Variants in DYNC2LI1 observed in about 807,000 individuals in gnomAD.
DYNC2LI1 encodes the protein dynein cytoplasmic 2 light intermediate chain 1.
DYNC2LI1 carries 45 observed loss-of-function variants against 51.9 expected under a neutral mutation model. The ratio of observed to expected loss-of-function variants is 0.87; its 90% CI spans 0.68 to 1.11. The LOEUF is 1.11. Ranked by LOEUF, DYNC2LI1 falls within the 50% of genes most tolerant of loss-of-function variation. The probability of loss-of-function intolerance (pLI) is 0.00; values close to 1 mark genes in which losing one functional copy is unlikely to be tolerated. For missense variants in DYNC2LI1, 490 were observed against 417.4 expected (o/e 1.17, Z -1.51); for synonymous variants, 130 against 137.8 (o/e 0.94, Z 0.40).
At chr2:43,806,118 G>T (rs534923715) in intron 12 of DYNC2LI1, among the ~76,000 whole-genome samples, 1 of 152,010 alleles carries the variant, frequency 6.6e-6, no homozygotes, top group African/African-American at 2.4e-5. Context: ...TCCTGACCTC[G>T]TGATCCATCC....
chr2:43,808,280 C>T (rs576078394), intron 12 of DYNC2LI1, among the ~76,000 whole-genome samples: 5 of 149,872 alleles, frequency 3.3e-5, no homozygotes, highest in Non-Finnish European at 7.4e-5. Flanking sequence ...AAAAAACACA[C>T]AAGGAAAAAT....
At chr2:43,778,311 C>T (rs1019522561) in intron 2 of DYNC2LI1, among the ~76,000 whole-genome samples, 2 of 152,078 alleles carry the variant, frequency 1.3e-5, no homozygotes, top group African/African-American at 4.8e-5. Flanking sequence ...CGCCACCACA[C>T]CCGGCTAATT....
the DYNC2LI1 span, chr2:43,827,909 A>C: frequency 6.2e-7 from 1 of 1,600,166 alleles, no homozygotes; most frequent in South Asian, 1.1e-5. Context: ...ACCGTGAAGA[A>C]AGGGCCCAAA....
intron 6 of DYNC2LI1, 105 bp downstream of exon 6, chr2:43,794,748 A>G (rs1202941782): frequency 6.3e-6 from 10 of 1,591,256 alleles, no homozygotes; most frequent in Non-Finnish European, 8.6e-6. Context: ...CTTGAAATTC[A>G]TTTGATGTAG....
At chr2:43,794,388 T>G (rs1046443256) in intron 5 of DYNC2LI1, 69 bp from the exon 6 acceptor site, 10 of 1,426,358 alleles carry the variant, frequency 7.0e-6, no homozygotes, top group African/African-American at 1.4e-5. Flanking sequence ...TAGATAAATT[T>G]CAGTACATTA....
chr2:43,803,952 A>G (rs1241471438), intron 10 of DYNC2LI1, among the ~76,000 whole-genome samples: 1 of 152,244 alleles, frequency 6.6e-6, no homozygotes, highest in Admixed American at 6.5e-5. Context: ...AAGAGTACAT[A>G]CAAGGAGCAA....
intron 3 of DYNC2LI1, among the ~76,000 whole-genome samples, chr2:43,786,409 T>C (rs990577828): frequency 6.6e-6 from 1 of 152,056 alleles, no homozygotes; most frequent in South Asian, 2.1e-4. Flanking sequence ...CTTAAACTCA[T>C]GGACTCAAGC....
intron 1 of DYNC2LI1, among the ~76,000 whole-genome samples, chr2:43,775,539 C>G (rs114009637): frequency 6.6e-6 from 1 of 151,222 alleles, no homozygotes; most frequent in African/African-American, 2.4e-5. Context: ...TGCTGTGTCA[C>G]CCAGGCTGGA....
intron 12 of DYNC2LI1, among the ~76,000 whole-genome samples, chr2:43,806,664 T>G (rs1296152821): frequency 6.6e-6 from 1 of 152,206 alleles, no homozygotes; most frequent in African/African-American, 2.4e-5. Flanking sequence ...CTGTTTATAT[T>G]GTATAATGAT....
In DYNC2LI1 at chr2:43,794,071, C is replaced by G. The variant is rs1673919045; in HGVS notation, c.321-386C>G. 3 of 178,666 alleles carry G rather than the reference C, an allele frequency of 1.7e-5. No individual in the cohort carries two copies. In the South Asian group the frequency reaches 3.9e-4, roughly 23 times the overall value. 11.1% of individuals were successfully genotyped at this position (178,666 alleles called of 1,614,324 possible). ...CCACCCATATATCTATTTTCTTCTC[C>G]TTTACCTGATTATTGTGTTACTGTT... is the stretch of plus-strand genomic sequence containing the variant. On this transcript the variant is annotated intron_variant, in intron 5 of 12. Coordinates refer to ENST00000260605, the MANE Select transcript of DYNC2LI1 (RefSeq NM_016008.4).
chr2:43,783,440 T>G, intron 2 of DYNC2LI1, 80 bp from the exon 3 acceptor site: 1 of 1,053,868 alleles, frequency 9.5e-7, no homozygotes, highest in Non-Finnish European at 1.4e-6. Flanking sequence ...AAATCTATTT[T>G]GGGCCACAAT....
chr2:43,807,274 T>G (rs1213161685), intron 12 of DYNC2LI1, among the ~76,000 whole-genome samples: 1 of 152,090 alleles, frequency 6.6e-6, no homozygotes, highest in Non-Finnish European at 1.5e-5. Context: ...TGATTAGCCC[T>G]CTTTAATTAT....
chr2:43,796,668 G>C, intron 7 of DYNC2LI1, 50 bp from the exon 8 acceptor site: 2 of 1,309,268 alleles, frequency 1.5e-6, no homozygotes, highest in Non-Finnish European at 2.2e-6. Flanking sequence ...GAATCTTCCT[G>C]CTATAGATAT....
the DYNC2LI1 span, among the ~76,000 whole-genome samples, chr2:43,823,432 T>C: frequency 6.6e-6 from 1 of 152,258 alleles, no homozygotes; most frequent in Admixed American, 6.5e-5. Flanking sequence ...TCCCTAACAG[T>C]GTTGCCTTTG....
rs1176878000 is a variant in DYNC2LI1, at chr2:43,796,088, A to G, written c.576+130A>G. ...GAATCGGTTAAGTCATGCATCTTAA[A>G]GATTTTGGAAAAGACATAGTTGGGA... On this transcript the variant is annotated intron_variant, in intron 7 of 12. Coordinates refer to ENST00000260605, the MANE Select transcript of DYNC2LI1 (RefSeq NM_016008.4). 4.3e-6 allele frequency: 3 copies of G among 693,588 alleles called. No individual in the cohort carries two copies. The East Asian group carries it at 8.4e-5, about 19-fold the overall frequency. The allele number at this position is 693,588 out of a possible 1,614,324, so 43.0% of individuals were successfully genotyped here.
At chr2:43,792,569 T>G (rs1346828840) in intron 5 of DYNC2LI1, 1 of 1,155,728 alleles carries the variant, frequency 8.7e-7, no homozygotes, top group Non-Finnish European at 1.2e-6. Flanking sequence ...TGCAGTTCAG[T>G]AACATCAAGT....
the DYNC2LI1 span, among the ~76,000 whole-genome samples, chr2:43,816,473 G>T: frequency 3.3e-5 from 5 of 152,216 alleles, no homozygotes; most frequent in Admixed American, 2.6e-4. Context: ...CAGACAGAAG[G>T]AGAAGCAGCG....
chr2:43,817,926 C>A, the DYNC2LI1 span, among the ~76,000 whole-genome samples: 6 of 151,550 alleles, frequency 4.0e-5, no homozygotes, highest in Admixed American at 6.6e-5. Context: ...AACAAACAAA[C>A]AAAAAAACAC....
intron 3 of DYNC2LI1, among the ~76,000 whole-genome samples, 162 bp from the exon 4 acceptor site, chr2:43,787,019 G>C (rs1268700138): frequency 6.6e-6 from 1 of 152,144 alleles, no homozygotes; most frequent in African/African-American, 2.4e-5. Context: ...TGTTTTGCAG[G>C]TTTATTTCTT....
Sources: gnomAD v4.1 joint callset for allele counts (sites outside exome capture counted in the v4.1 genomes callset) on GRCh38, gnomAD v4.1.1 for gene constraint, MANE v1.5 for transcripts, NCBI Gene and HGNC (gene_info 2026-07-23, HGNC 2026-07-21) for gene names.